Variants in SPOCK3 observed in about 807,000 individuals in gnomAD.
SPOCK3 encodes the protein testican-3.
In SPOCK3, 30 loss-of-function variants were observed where a neutral mutation model predicts 56.6. The observed-to-expected ratio is 0.53, with a 90% CI of 0.40 to 0.72. The LOEUF (loss-of-function observed/expected upper bound fraction) is 0.72, where lower values mean the gene tolerates loss of function less well. SPOCK3 is among the 30% of genes least tolerant of loss of function. SPOCK3 has a pLI of 0.00. For synonymous variants in SPOCK3, 196 were observed against 183.3 expected, an observed-to-expected ratio of 1.07 and a Z score of -0.56; for missense variants, 527 against 530.0, an observed-to-expected ratio of 0.99 and a Z score of 0.06.
intron 6 of SPOCK3, among the ~76,000 whole-genome samples, chr4:166,857,485 G>A (rs1730815823): frequency 6.6e-6 from 1 of 152,154 alleles, no homozygotes; most frequent in African/African-American, 2.4e-5. Context: ...AAGTGAACTA[G>A]GCTTTCTTTT....
chr4:167,097,668 G>A (rs1004786710), intron 2 of SPOCK3, among the ~76,000 whole-genome samples: 16 of 151,718 alleles, frequency 1.1e-4, no homozygotes, highest in Non-Finnish European at 1.9e-4. Context: ...TAGGTAGTGA[G>A]CCTATTGACC....
chr4:166,934,363 T>C (rs889595871), intron 4 of SPOCK3, among the ~76,000 whole-genome samples: 1 of 145,976 alleles, frequency 6.9e-6, no homozygotes, highest in Non-Finnish European at 1.5e-5. Flanking sequence ...TCAGGTGTGG[T>C]GGGGGGCACC....
chr4:167,187,849 G>A (rs1288548337), intron 2 of SPOCK3, among the ~76,000 whole-genome samples: 1 of 152,130 alleles, frequency 6.6e-6, no homozygotes, highest in Non-Finnish European at 1.5e-5. Flanking sequence ...GCTATGCAAA[G>A]CCATGAAGGA....
At chr4:167,144,029 A>C (rs1763738945) in intron 2 of SPOCK3, among the ~76,000 whole-genome samples, 1 of 152,150 alleles carries the variant, frequency 6.6e-6, no homozygotes, top group East Asian at 1.9e-4. Context: ...GCATGGAAGA[A>C]GTCACCAGAA....
chr4:166,984,548 G>A (rs191225728), intron 4 of SPOCK3, among the ~76,000 whole-genome samples: 121 of 152,092 alleles, frequency 8.0e-4, no homozygotes, highest in African/African-American at 2.7e-3. Flanking sequence ...TAAAAAATTC[G>A]TGGCATAAGG....
intron 2 of SPOCK3, among the ~76,000 whole-genome samples, chr4:167,068,120 T>A (rs1756342059): frequency 4.0e-5 from 6 of 151,700 alleles, no homozygotes. Flanking sequence ...GATCTAAGGA[T>A]GAATTTGTCC....
intron 6 of SPOCK3, among the ~76,000 whole-genome samples, chr4:166,853,836 C>A (rs1730383244): frequency 2.0e-5 from 3 of 151,614 alleles, no homozygotes; most frequent in Non-Finnish European, 4.4e-5. Context: ...GAGCTGAGAT[C>A]ACATCACTGC....
intron 7 of SPOCK3, among the ~76,000 whole-genome samples, chr4:166,768,412 G>T (rs1322342407): frequency 2.0e-5 from 3 of 152,132 alleles, no homozygotes; most frequent in Non-Finnish European, 4.4e-5. Flanking sequence ...GCATTTGCTT[G>T]TCTGTAAAGG....
intron 4 of SPOCK3, among the ~76,000 whole-genome samples, chr4:166,949,256 C>A (rs1383402076): frequency 2.0e-5 from 3 of 152,182 alleles, no homozygotes; most frequent in African/African-American, 7.2e-5. Context: ...AAATTTTTTT[C>A]AAAGTTTTTA....
intron 2 of SPOCK3, among the ~76,000 whole-genome samples, chr4:167,099,023 T>C (rs1040748154): frequency 2.3e-4 from 35 of 152,144 alleles, no homozygotes; most frequent in Admixed American, 1.1e-3. Flanking sequence ...ATCTAATCCA[T>C]CTTCATATGC....
intron 2 of SPOCK3, among the ~76,000 whole-genome samples, chr4:167,175,495 C>A (rs920612793): frequency 1.3e-5 from 2 of 152,016 alleles, no homozygotes; most frequent in Non-Finnish European, 2.9e-5. Flanking sequence ...AAGCCTAAGC[C>A]CCAGTACTTC....
At chr4:166,752,329 TACAA>T (rs1206584243) in intron 8 of SPOCK3, among the ~76,000 whole-genome samples, 1 of 152,114 alleles carries the variant, frequency 6.6e-6, no homozygotes, top group Non-Finnish European at 1.5e-5. Flanking sequence ...AGCTGAAATT[TACAA>T]ACTCATTTAT....
At position 166,888,012 on chromosome 4, in the gene SPOCK3, C is replaced by G. The variant is rs566066624; in HGVS notation, c.589+1118G>C. On this transcript the variant is annotated intron_variant, in intron 6 of 10. Transcript: ENST00000357545. ...TTTATTTTTGAATAATAAAAATAGT[C>G]TCTCTTAAAGGTAATGCTATAACAT... 5.4e-4 allele frequency among the ~76,000 whole-genome samples: 82 copies of G among 152,132 alleles called. 1 individual carries two copies. The highest frequency in any genetic ancestry group is 1.7e-3 in the African/African-American group (70 of 41,508).
intron 6 of SPOCK3, among the ~76,000 whole-genome samples, chr4:166,808,489 C>T (rs551641861): frequency 1.3e-5 from 2 of 151,914 alleles, no homozygotes; most frequent in East Asian, 3.9e-4. Context: ...GAGGGCACAG[C>T]AAGAAGGCTG....
At chr4:166,959,513 T>C (rs1263750062) in intron 4 of SPOCK3, among the ~76,000 whole-genome samples, 3 of 151,796 alleles carry the variant, frequency 2.0e-5, no homozygotes, top group Non-Finnish European at 4.4e-5. Flanking sequence ...CTTGGGAGGC[T>C]GAGGCAGGAG....
intron 6 of SPOCK3, among the ~76,000 whole-genome samples, chr4:166,800,538 A>G (rs1435402459): frequency 2.6e-5 from 4 of 152,048 alleles, no homozygotes; most frequent in Non-Finnish European, 5.9e-5. Context: ...TCCTGACCCT[A>G]TGTAGGCCTA....
At chr4:167,149,832 T>G (rs1580441627) in intron 2 of SPOCK3, among the ~76,000 whole-genome samples, 1 of 9,142 alleles carries the variant, frequency 1.1e-4, no homozygotes, top group East Asian at 2.8e-3. Flanking sequence ...ATGGTGTGTA[T>G]ATATATATGT....
intron 6 of SPOCK3, among the ~76,000 whole-genome samples, chr4:166,803,555 T>G (rs148952050): frequency 1.1e-4 from 17 of 152,262 alleles, no homozygotes; most frequent in Non-Finnish European, 1.8e-4. Flanking sequence ...ATGACAAACT[T>G]TGTTGGAATA....
chr4:167,027,046 C>A (rs555916479), intron 3 of SPOCK3, among the ~76,000 whole-genome samples: 10 of 151,964 alleles, frequency 6.6e-5, no homozygotes, highest in South Asian at 2.1e-4. Context: ...TTCTCTCTAC[C>A]TGGAATTTGG....
Sources: gnomAD v4.1 joint callset for allele counts (sites outside exome capture counted in the v4.1 genomes callset) on GRCh38, gnomAD v4.1.1 for gene constraint, MANE v1.5 for transcripts, NCBI Gene and HGNC (gene_info 2026-07-23, HGNC 2026-07-21) for gene names.